Variants in IFT122 observed in about 807,000 individuals in gnomAD.
The protein encoded by IFT122 is intraflagellar transport 122.
In IFT122, 118 loss-of-function variants were observed where a neutral mutation model predicts 161.6. The ratio of observed to expected loss-of-function variants is 0.73; its 90% CI spans 0.63 to 0.85. The LOEUF is 0.85. Ranked by LOEUF, IFT122 falls within the 40% of genes least tolerant of loss-of-function variation. IFT122 has a pLI of 0.00. For synonymous variants in IFT122, 550 were observed against 602.4 expected (o/e 0.91, Z 1.27); for missense variants, 1,381 against 1,579.6 (o/e 0.87, Z 2.13).
chr3:129,486,262 C>T (rs1182188149), intron 15 of IFT122, among the ~76,000 whole-genome samples: 4 of 152,138 alleles, frequency 2.6e-5, no homozygotes, highest in Non-Finnish European at 4.4e-5. Context: ...TGGTGTGGTT[C>T]GGGGAAGGAG....
intron 2 of IFT122, among the ~76,000 whole-genome samples, chr3:129,450,713 G>GTTTTT (rs747032492): frequency 2.1e-4 from 17 of 80,988 alleles, no homozygotes; most frequent in Admixed American, 3.2e-4. Context: ...GTGTGTGTGT[G>GTTTTT]TTTTTTTTTT....
chr3:129,516,605 G>C (rs150041434), intron 26 of IFT122, among the ~76,000 whole-genome samples: 4,457 of 64,934 alleles, frequency 0.069, 566 homozygotes, highest in East Asian at 0.44. Context: ...CACACACACA[G>C]AGACTGCCCC....
intron 15 of IFT122, 93 bp downstream of exon 15, chr3:129,483,775 C>T (rs1292922530): frequency 6.4e-6 from 8 of 1,250,092 alleles, no homozygotes; most frequent in Non-Finnish European, 3.4e-6. Flanking sequence ...GAGAGAGTAG[C>T]AAGGAGAGAA....
At position 129,512,339 on chromosome 3, in the gene IFT122, G is replaced by C; in HGVS notation, c.2914G>C (p.Glu972Gln). 1 of 1,614,092 alleles carries C rather than the reference G, an allele frequency of 6.2e-7. No homozygotes were observed. Among genetic ancestry groups the C allele is most frequent in the East Asian group, 2.2e-5 (1 of 44,884 alleles). Residue 972 changes from glutamate to glutamine, a missense_variant, in exon 24 of 30, where the codon GAA becomes CAA. Physicochemically the swap from Glu to Gln is conservative, Grantham distance 29 (BLOSUM62 2). Around this residue, in one of 7 missense-constraint regions of IFT122, gnomAD observed 496 missense variants for 502.5 expected, o/e 0.99. Transcript: ENST00000348417. ...AGATCCGTTCAGTGTCCATCGTCCT[G>C]AAACTCTTTTCAACATCTCCAGGTT... Reference protein sequence around the residue: ...TEDPFSVHRPETLFNISRFLL... With the variant: ...TEDPFSVHRPQTLFNISRFLL...
At position 129,458,648 on chromosome 3, in the gene IFT122, A is replaced by G. The variant is rs928796428; in HGVS notation, c.243A>G (p.Thr81=). Reference sequence around the variant, plus strand: ...CTGACAAAAGCGTTATTATCTGGACATCAAAACTGGAAGGCATTCTGAAGT... The same window carrying G: ...CTGACAAAAGCGTTATTATCTGGACGTCAAAACTGGAAGGCATTCTGAAGT... ...GSADKSVIIW[T]SKLEGILKYT... Residue 81 remains threonine (T), a synonymous_variant, in exon 4 of 30, where the codon ACA becomes ACG. Coordinates refer to ENST00000348417, the MANE Select transcript of IFT122 (RefSeq NM_052989.3). 6.2e-7 allele frequency: 1 copy of G among 1,614,042 alleles called. No individual in the cohort carries two copies. Among genetic ancestry groups the G allele is most frequent in the Non-Finnish European group, 8.5e-7 (1 of 1,179,882 alleles).
intron 23 of IFT122, among the ~76,000 whole-genome samples, chr3:129,509,912 A>G (rs2082614885): frequency 6.6e-6 from 1 of 152,184 alleles, no homozygotes; most frequent in Admixed American, 6.5e-5. Flanking sequence ...TAACAGCACT[A>G]TGTACTTGAT....
intron 26 of IFT122, among the ~76,000 whole-genome samples, chr3:129,516,961 C>G (rs1305652425): frequency 7.2e-6 from 1 of 138,112 alleles, no homozygotes; most frequent in Non-Finnish European, 1.5e-5. Flanking sequence ...AGAGACTGCC[C>G]CTACACACAC....
At chr3:129,504,157 G>T in intron 20 of IFT122, 162 bp from the exon 21 acceptor site, 13 of 626,860 alleles carry the variant, frequency 2.1e-5, no homozygotes, top group Non-Finnish European at 2.9e-5. Context: ...GAGCTGATTT[G>T]TTTTTGCATT....
At chr3:129,464,587 G>A in intron 6 of IFT122, 48 bp from the exon 7 acceptor site, 8 of 1,613,142 alleles carry the variant, frequency 5.0e-6, no homozygotes, top group South Asian at 1.1e-5. Flanking sequence ...TTTACCTTCT[G>A]TGGGGTGCTT....
chr3:129,452,765 A>G (rs2075002481), intron 3 of IFT122, among the ~76,000 whole-genome samples: 1 of 152,210 alleles, frequency 6.6e-6, no homozygotes, highest in Non-Finnish European at 1.5e-5. Flanking sequence ...TTTTAAAAGG[A>G]TCCCTCTAGT....
chr3:129,456,091 AT>A, intron 3 of IFT122: 1 of 472,508 alleles, frequency 2.1e-6, no homozygotes, highest in South Asian at 1.5e-5. Flanking sequence ...AAATACTAAC[AT>A]TGTATCCATT....
At chr3:129,474,410 C>T (rs1217569689) in intron 9 of IFT122, among the ~76,000 whole-genome samples, 1 of 152,054 alleles carries the variant, frequency 6.6e-6, no homozygotes, top group Non-Finnish European at 1.5e-5. Context: ...ACCCTTGGGG[C>T]AGCAAAAAAC....
chr3:129,468,702 T>G (rs1263371952), intron 8 of IFT122, among the ~76,000 whole-genome samples: 1 of 152,198 alleles, frequency 6.6e-6, no homozygotes, highest in African/African-American at 2.4e-5. Context: ...GCAAGGGAGT[T>G]TCTCCTGTGT....
intron 9 of IFT122, among the ~76,000 whole-genome samples, chr3:129,472,521 G>C (rs2077470349): frequency 6.6e-6 from 1 of 151,892 alleles, no homozygotes; most frequent in Non-Finnish European, 1.5e-5. Flanking sequence ...TATTATTTAA[G>C]GTTCCTAAGC....
chr3:129,454,874 C>T (rs1344934061), intron 3 of IFT122, among the ~76,000 whole-genome samples: 2 of 152,126 alleles, frequency 1.3e-5, no homozygotes, highest in Non-Finnish European at 2.9e-5. Flanking sequence ...CTTCCAACAA[C>T]TCTCTGAAGC....
rs868539418 is a variant in IFT122, at chr3:129,507,610, G to T, written c.2792-58G>T. 263 of 1,385,516 alleles carry T rather than the reference G, an allele frequency of 1.9e-4. 2 individuals are homozygous for T. In the Middle Eastern group the frequency reaches 2.1e-3, roughly 11 times the overall value. The allele number at this position is 1,385,516 out of a possible 1,614,324, so 85.8% of individuals were successfully genotyped here. A position where few individuals can be genotyped will look rare whatever the true frequency, so the allele number is the denominator to read the frequency against. ...TGCCTGGCCCCTCCTCCTGGGGCCA[G>T]TTGGCAGCCACAGACACTGTTTGAC... On this transcript the variant is annotated intron_variant, in intron 22 of 29. Coordinates refer to ENST00000348417, the MANE Select transcript of IFT122 (RefSeq NM_052989.3).
intron 2 of IFT122, among the ~76,000 whole-genome samples, chr3:129,450,558 A>G (rs1198051022): frequency 6.6e-6 from 1 of 152,122 alleles, no homozygotes; most frequent in Non-Finnish European, 1.5e-5. Flanking sequence ...ATGGTTAACT[A>G]CATAATCTTA....
intron 6 of IFT122, among the ~76,000 whole-genome samples, chr3:129,463,904 G>A (rs1246812551): frequency 6.6e-6 from 1 of 152,214 alleles, no homozygotes; most frequent in Non-Finnish European, 1.5e-5. Flanking sequence ...ATGTGAGGCT[G>A]TCATTGTCCA....
rs115715082 is a variant in IFT122, at chr3:129,514,393, A to G, written c.2992A>G (p.Ile998Val). ...DTPSGISKVK[I>V]LFTLAKQSKA... Reference sequence around the variant, plus strand: ...CCTTAACCCTGTTCACGGCAGGAAAATACTCTTCACCTTGGCCAAGCAGAG... The same window carrying G: ...CCTTAACCCTGTTCACGGCAGGAAAGTACTCTTCACCTTGGCCAAGCAGAG... Residue 998 changes from isoleucine to valine, a missense_variant, in exon 25 of 30, where the codon ATA (isoleucine) becomes GTA (valine). Physicochemically the swap from Ile to Val is conservative, Grantham distance 29. Coordinates refer to ENST00000348417, the MANE Select transcript of IFT122 (RefSeq NM_052989.3). 1.8e-5 allele frequency: 29 copies of G among 1,613,998 alleles called. No individual in the cohort carries two copies. In the African/African-American group the frequency reaches 3.3e-4, roughly 19 times the overall value.
Sources: allele counts gnomAD v4.1 joint callset (sites outside exome capture counted in the v4.1 genomes callset), GRCh38; gene constraint gnomAD v4.1.1; regional missense constraint gnomAD v4.1.1; transcripts MANE v1.5; gene names NCBI Gene and HGNC (gene_info 2026-07-23, HGNC 2026-07-21).